Variants in LAMA1 observed in about 807,000 individuals in gnomAD.
LAMA1 encodes laminin subunit alpha 1.
Under a neutral mutation model 348.7 loss-of-function variants are expected in LAMA1, and 219 were observed. The observed-to-expected ratio is 0.63, with a 90% confidence interval of 0.56 to 0.70. The LOEUF is 0.70. LAMA1 is among the 30% of genes least tolerant of loss of function. The probability of loss-of-function intolerance (pLI) is 0.00; values close to 1 mark genes in which losing one functional copy is unlikely to be tolerated. For synonymous variants in LAMA1, 1,487 were observed against 1,491.0 expected, an observed-to-expected ratio of 1.00 and a Z score of 0.06; for missense variants, 3,744 against 3,888.0, an observed-to-expected ratio of 0.96 and a Z score of 0.99.
At chr18:6,944,035 G>A (rs1479488746) in intron 61 of LAMA1, among the ~76,000 whole-genome samples, 3 of 151,930 alleles carry the variant, frequency 2.0e-5, no homozygotes, top group Non-Finnish European at 4.4e-5. Context: ...TTTTCTTTGA[G>A]ATGGAGCTTC....
At chr18:6,948,602 G>A (rs1189770581) in intron 59 of LAMA1, 46 bp from the exon 60 acceptor site, 1 of 1,609,800 alleles carries the variant, frequency 6.2e-7, no homozygotes, top group Non-Finnish European at 8.5e-7. Context: ...ATTCTAATGG[G>A]AAGGGTTTGG....
intron 3 of LAMA1, among the ~76,000 whole-genome samples, chr18:7,060,472 G>C (rs1180547491): frequency 6.6e-6 from 1 of 152,080 alleles, no homozygotes; most frequent in Non-Finnish European, 1.5e-5. Context: ...TTTGATTAGG[G>C]GAGGAGGGAC....
In LAMA1 at chr18:7,015,800, G is replaced by A. The variant is rs754303766; in HGVS notation, c.3048C>T (p.Cys1016=). The change falls in exon 22 of 63, where the codon TGC becomes TGT. Residue 1016 remains cysteine, a synonymous_variant. Coordinates refer to ENST00000389658, the MANE Select transcript of LAMA1 (RefSeq NM_005559.4). The stretch of plus-strand genomic sequence containing the variant: ...ACTTCACACCCTGTGTGTGAGGGGG[G>A]CAGACACACTCTCCAGTTTCTGGGT... ...TCDPETGECV[C]PPHTQGVKCE... 13 of 1,613,934 alleles carry A rather than the reference G, an allele frequency of 8.1e-6. No individual in the cohort carries two copies. In the South Asian group the frequency reaches 8.8e-5, roughly 11 times the overall value.
At chr18:6,985,141 A>C in intron 39 of LAMA1, 96 bp downstream of exon 39, 1 of 1,434,026 alleles carries the variant, frequency 7.0e-7, no homozygotes, top group South Asian at 1.2e-5. Context: ...TTTTACACAA[A>C]GGAAGAGTGA....
chr18:6,948,288 A>C, intron 60 of LAMA1, 115 bp downstream of exon 60: 3 of 1,368,858 alleles, frequency 2.2e-6, no homozygotes, highest in Non-Finnish European at 3.1e-6. Context: ...ACTAAACTCA[A>C]TGTGGTTTTC....
chr18:6,951,087 G>T lies in LAMA1; in HGVS notation c.8208-116C>A. 3.4e-6 allele frequency: 3 copies of T among 891,040 alleles called. 1 individual carries two copies. The highest frequency in any genetic ancestry group is 3.1e-4 in the Middle Eastern group (1 of 3,180). The allele number at this position is 891,040 out of a possible 1,614,324, so 55.2% of individuals were successfully genotyped here. On this transcript the variant is annotated intron_variant, in intron 57 of 62. Coordinates refer to ENST00000389658, the MANE Select transcript of LAMA1 (RefSeq NM_005559.4). The stretch of plus-strand genomic sequence containing the variant: ...TTTACATTGAACATCTCAGGAGAGA[G>T]GGGTATTCATTCCTTCATCCATTTA...
At chr18:7,024,775 C>T (rs2057934984) in intron 17 of LAMA1, among the ~76,000 whole-genome samples, 2 of 152,200 alleles carry the variant, frequency 1.3e-5, no homozygotes, top group Admixed American at 1.3e-4. Context: ...GCCCCAGTGC[C>T]CAACTCAGCT....
At position 7,009,402 on chromosome 18, in the gene LAMA1, G is replaced by A. The variant is rs1357329554; in HGVS notation, c.3874-36C>T. 2.5e-6 allele frequency: 4 copies of A among 1,611,090 alleles called. No homozygotes were observed. The South Asian group carries it at 3.3e-5, about 13-fold the overall frequency. Reference sequence around the variant, plus strand: ...AGAAACACATTCAATTAAGCTCAGAGGCCAAATTCTGACAGGCATAAAACT... The same window carrying A: ...AGAAACACATTCAATTAAGCTCAGAAGCCAAATTCTGACAGGCATAAAACT... On this transcript the variant is annotated intron_variant, in intron 26 of 62. Coordinates refer to ENST00000389658, the MANE Select transcript of LAMA1 (RefSeq NM_005559.4).
chr18:6,986,365 T>G lies in LAMA1; in HGVS notation c.5169-18A>C. 1 of 1,609,714 alleles carries G rather than the reference T, an allele frequency of 6.2e-7. No homozygotes were observed. Among genetic ancestry groups the G allele is most frequent in the African/African-American group, 1.3e-5 (1 of 74,974 alleles). ...CAGCAGCCCTGATAAATATGAATGG[T>G]TCACATAGTAAGTAAATGAACAACA... On this transcript the variant is annotated intron_variant, in intron 36 of 62. Coordinates refer to ENST00000389658, the MANE Select transcript of LAMA1 (RefSeq NM_005559.4).
chr18:6,980,765 T>C (rs1568016859), intron 41 of LAMA1, 128 bp from the exon 42 acceptor site: 2 of 650,378 alleles, frequency 3.1e-6, no homozygotes, highest in African/African-American at 1.8e-5. Context: ...ATATTGACAG[T>C]TTTTCCAGCA....
intron 43 of LAMA1, 29 bp downstream of exon 43, chr18:6,978,167 C>A (rs2057691334): frequency 6.2e-7 from 1 of 1,613,860 alleles, no homozygotes; most frequent in African/African-American, 1.3e-5. Flanking sequence ...CGCAGACGAT[C>A]ATGACTGGAA....
intron 53 of LAMA1, chr18:6,959,996 T>C (rs1180488766): frequency 4.7e-6 from 1 of 213,258 alleles, no homozygotes; most frequent in African/African-American, 2.3e-5. Flanking sequence ...AATTGGAACG[T>C]GAGTATCTCA....
chr18:7,108,182 A>G (rs989244374), intron 1 of LAMA1, among the ~76,000 whole-genome samples: 4 of 150,470 alleles, frequency 2.7e-5, no homozygotes, highest in Non-Finnish European at 5.9e-5. Context: ...CTAAAAATAC[A>G]AAAATTAGCC....
chr18:6,976,375 A>T (rs185345081), intron 44 of LAMA1, among the ~76,000 whole-genome samples: 1 of 152,310 alleles, frequency 6.6e-6, no homozygotes, highest in East Asian at 1.9e-4. Flanking sequence ...ATCACCTTGG[A>T]ATCTTTCCGC....
At chr18:6,955,107 C>T in intron 57 of LAMA1, 2 of 536,330 alleles carry the variant, frequency 3.7e-6, no homozygotes, top group South Asian at 4.1e-5. Context: ...TACATGCACA[C>T]AGAAAGGGGA....
chr18:7,008,020 C>T (rs1222251509), intron 28 of LAMA1, among the ~76,000 whole-genome samples: 6 of 152,068 alleles, frequency 3.9e-5, no homozygotes, highest in African/African-American at 1.2e-4. Context: ...GCAGCCTTCA[C>T]CTCCCAGGTT....
In LAMA1 at chr18:7,025,918, C is replaced by G. The variant is rs79102289; in HGVS notation, c.2402+61G>C. On this transcript the variant is annotated intron_variant, in intron 17 of 62. Coordinates refer to ENST00000389658, the MANE Select transcript of LAMA1 (RefSeq NM_005559.4). ...CAGTCTTGCTCTGAAGTCATTAGTA[C>G]GCATCTGGGTGGGAATCCTGGCCAT... The G allele has an allele frequency of 5.8e-6, 9 of 1,564,260 alleles. No individual in the cohort carries two copies. In the Admixed American group the frequency reaches 9.5e-5, roughly 16 times the overall value.
At chr18:6,946,844 G>A (rs540071492) in intron 61 of LAMA1, among the ~76,000 whole-genome samples, 1 of 152,144 alleles carries the variant, frequency 6.6e-6, no homozygotes, top group South Asian at 2.1e-4. Flanking sequence ...CAAATAAAAA[G>A]TTAAAAAAAA....
intron 33 of LAMA1, 135 bp downstream of exon 33, chr18:6,997,607 A>G: frequency 1.1e-6 from 1 of 881,760 alleles, no homozygotes; most frequent in South Asian, 1.4e-5. Context: ...AAGACTGGAC[A>G]CCTGCCCGCA....
Sources: gnomAD v4.1 joint callset for allele counts (sites outside exome capture counted in the v4.1 genomes callset) on GRCh38, gnomAD v4.1.1 for gene constraint, MANE v1.5 for transcripts, NCBI Gene and HGNC (gene_info 2026-07-23, HGNC 2026-07-21) for gene names.